Variants in DOP1B observed in about 807,000 individuals in gnomAD.
The protein encoded by DOP1B is protein DOP1B.
In DOP1B, 174 loss-of-function variants were observed where a neutral mutation model predicts 233.5. That is an observed-to-expected ratio of 0.75 (90% CI 0.66 to 0.85). The LOEUF (loss-of-function observed/expected upper bound fraction) is 0.85, where lower values mean the gene tolerates loss of function less well. Ranked by LOEUF, DOP1B falls within the 40% of genes least tolerant of loss-of-function variation. The pLI is 0.00. For synonymous variants in DOP1B, 1,190 were observed against 1,185.6 expected, an observed-to-expected ratio of 1.00 and a Z score of -0.08; for missense variants, 2,652 against 2,846.6, an observed-to-expected ratio of 0.93 and a Z score of 1.56.
At chr21:36,276,782 A>C (rs781747175) in intron 27 of DOP1B, among the ~76,000 whole-genome samples, 1 of 148,632 alleles carries the variant, frequency 6.7e-6, no homozygotes, top group Non-Finnish European at 1.5e-5. Context: ...TGGAGGCTAC[A>C]GTGAGCCGAG....
rs943283815 is a variant in DOP1B, at chr21:36,246,398, A to C, written c.4418A>C (p.Gln1473Pro). 1.9e-6 allele frequency: 3 copies of C among 1,613,308 alleles called. No individual in the cohort carries two copies. The highest frequency in any genetic ancestry group is 2.5e-6 in the Non-Finnish European group (3 of 1,179,804). The change falls in exon 19 of 37, where the codon CAG becomes CCG. Residue 1473 changes from glutamine (Q) to proline (P), a missense_variant. This residue lies in a region of DOP1B where 2,617 missense variants were observed against 2,794.3 expected (regional missense o/e 0.94). Coordinates refer to ENST00000691173, the MANE Select transcript of DOP1B (RefSeq NM_001320714.2). The surrounding 1 kb of genome is among the most constrained non-coding windows in gnomAD (Gnocchi z 5.1). ...CAGCCCGACCTGTCCCGGGAGTGGC[A>C]GAGAGCCCTGAACTTCCAGCAGGCC... is the stretch of plus-strand genomic sequence containing the variant. Reference protein sequence around the residue: ...ENQPDLSREWQRALNFQQAIS... With the variant: ...ENQPDLSREWPRALNFQQAIS...
chr21:36,250,547 C>T (rs2123605637), intron 21 of DOP1B, among the ~76,000 whole-genome samples: 1 of 152,296 alleles, frequency 6.6e-6, no homozygotes, highest in South Asian at 2.1e-4. Flanking sequence ...GTGGGCACTG[C>T]AGGCTGAGAG....
rs151061938 is a variant in DOP1B at position 36,188,899 on chromosome 21, C to T, written c.139-10171C>T. On this transcript the variant is annotated intron_variant, in intron 2 of 36. Transcript: ENST00000691173. The stretch of plus-strand genomic sequence containing the variant: ...AAAATGAAACATAATTCTGTCCACT[C>T]CCCACCCATATGGTTAAATTACTCC... Among the ~76,000 whole-genome samples the T allele has an allele frequency of 2.6e-5, 4 of 152,256 alleles. No individual in the cohort carries two copies. The East Asian group carries it at 5.8e-4, about 22-fold the overall frequency.
chr21:36,251,640 T>TG (rs1340160324), intron 22 of DOP1B, among the ~76,000 whole-genome samples: 1 of 152,092 alleles, frequency 6.6e-6, no homozygotes, highest in Non-Finnish European at 1.5e-5. Flanking sequence ...AGGCTGGTCT[T>TG]GAACTCCTGA....
At chr21:36,242,244 GT>G (rs1452546737) in intron 18 of DOP1B, among the ~76,000 whole-genome samples, 1 of 151,164 alleles carries the variant, frequency 6.6e-6, no homozygotes, top group African/African-American at 2.4e-5. Context: ...GTGATCCCAA[GT>G]CACTGCAGTC....
intron 2 of DOP1B, among the ~76,000 whole-genome samples, chr21:36,167,641 T>C (rs1385521329): frequency 6.6e-6 from 1 of 152,166 alleles, no homozygotes; most frequent in African/African-American, 2.4e-5. Flanking sequence ...ACCCTTACTA[T>C]CTAGTTCCAC....
Position 36,253,909 on chromosome 21 carries a change from G to A in DOP1B, c.5259G>A (p.Glu1753=). Residue 1753 remains glutamate, a splice_region_variant and synonymous_variant, in exon 23 of 37, where the codon GAG becomes GAA. Transcript: ENST00000691173. Reference sequence around the variant, plus strand: ...CACCCCAAGTCAAAGGGGGTGATGAGGTGAGGAGCCTGGGGAAGCCTCTGG... The same window carrying A: ...CACCCCAAGTCAAAGGGGGTGATGAAGTGAGGAGCCTGGGGAAGCCTCTGG... The part of the protein sequence containing the change: ...KRPPQVKGGD[E]KSPLVDIPVL... 1 of 1,613,424 alleles carries A rather than the reference G, an allele frequency of 6.2e-7. No homozygotes were observed.
At position 36,230,811 on chromosome 21, in the gene DOP1B, C is replaced by T. The variant is rs1484192942; in HGVS notation, c.2027C>T (p.Ser676Phe). Reference sequence around the variant, plus strand: ...ACGCAGAGCCTGGCAGCCAATGATTCCAGCAGGAAGAACTCTTGGGAGCCC... The same window carrying T: ...ACGCAGAGCCTGGCAGCCAATGATTTCAGCAGGAAGAACTCTTGGGAGCCC... ...DGTQSLAAND[S>F]SRKNSWEPKP... The change falls in exon 14 of 37, where the codon TCC becomes TTC. Residue 676 changes from serine (S) to phenylalanine (F), a missense_variant. By Grantham distance (155) the Ser-to-Phe change is radical (BLOSUM62 -2). Transcript: ENST00000691173. 2 of 1,614,016 alleles carry T rather than the reference C, an allele frequency of 1.2e-6. No individual in the cohort carries two copies. Among genetic ancestry groups the T allele is most frequent in the Non-Finnish European group, 1.7e-6 (2 of 1,180,008 alleles).
In DOP1B at chr21:36,288,746, T is replaced by G. The variant is rs1403380158; in HGVS notation, c.6298-10T>G. The stretch of plus-strand genomic sequence containing the variant: ...TCTCAGATAGTAACTTGAATGCATT[T>G]TTTTTTCAGATTCAGACATTCACAC... On this transcript the variant is annotated splice_polypyrimidine_tract_variant and intron_variant, in intron 33 of 36. Transcript: ENST00000691173. The G allele has an allele frequency of 3.7e-6, 6 of 1,607,814 alleles. No individual in the cohort carries two copies. The highest frequency in any genetic ancestry group is 5.1e-6 in the Non-Finnish European group (6 of 1,176,636).
chr21:36,222,136 T>A (rs989602415), intron 10 of DOP1B, among the ~76,000 whole-genome samples: 7 of 151,366 alleles, frequency 4.6e-5, no homozygotes, highest in African/African-American at 1.5e-4. Flanking sequence ...CCTCCCAAAG[T>A]GCTGGGATTG....
intron 2 of DOP1B, among the ~76,000 whole-genome samples, chr21:36,194,268 C>T (rs764002951): frequency 3.3e-5 from 5 of 152,146 alleles, no homozygotes; most frequent in Non-Finnish European, 7.3e-5. Context: ...CAAATCTAGA[C>T]CTGGTTTTGA....
In DOP1B at chr21:36,230,541, C is replaced by T; in HGVS notation, c.1757C>T (p.Ser586Phe). ...DEDASFPPLK[S>F]EDSGIGLSAS... The stretch of plus-strand genomic sequence containing the variant: ...GATGCTTCGTTTCCCCCTCTGAAGT[C>T]TGAGGACAGTGGGATCGGGCTCAGT... The change falls in exon 14 of 37, where the codon TCT (serine) becomes TTT (phenylalanine). Residue 586 changes from serine to phenylalanine, a missense_variant. By Grantham distance (155) the Ser-to-Phe change is radical. Around this residue, in one of 3 missense-constraint regions of DOP1B, gnomAD observed 2,617 missense variants for 2,794.3 expected, o/e 0.94. Transcript: ENST00000691173. 6.2e-7 allele frequency: 1 copy of T among 1,614,206 alleles called. No homozygotes were observed. Among genetic ancestry groups the T allele is most frequent in the Non-Finnish European group, 8.5e-7 (1 of 1,180,046 alleles).
At chr21:36,157,441 A>G (rs1342626254) in intron 1 of DOP1B, among the ~76,000 whole-genome samples, 1 of 152,190 alleles carries the variant, frequency 6.6e-6, no homozygotes, top group African/African-American at 2.4e-5. Context: ...GCCAGTCCCC[A>G]GGAGAAGGGA....
In DOP1B at chr21:36,211,908, C is replaced by T. The variant is rs73375794; in HGVS notation, c.781-66C>T. ...TTTGCAGACCAGCAAGGAAGGGCTG[C>T]GTGTCAAAAAGTCAGCAATCTGCCC... On this transcript the variant is annotated intron_variant, in intron 6 of 36. Coordinates refer to ENST00000691173, the MANE Select transcript of DOP1B (RefSeq NM_001320714.2). 1.9e-3 allele frequency: 3,062 copies of T among 1,604,478 alleles called. 43 individuals are homozygous for T. In the African/African-American group the frequency reaches 0.036, roughly 19 times the overall value.
chr21:36,269,739 T>G (rs1241065842), intron 26 of DOP1B, among the ~76,000 whole-genome samples: 1 of 151,740 alleles, frequency 6.6e-6, no homozygotes, highest in Non-Finnish European at 1.5e-5. Flanking sequence ...GCCAGGATGG[T>G]CTCAAACTCC....
chr21:36,238,525 A>G (rs1170444945), intron 16 of DOP1B, 76 bp from the exon 17 acceptor site: 3 of 1,224,274 alleles, frequency 2.5e-6, no homozygotes, highest in Non-Finnish European at 3.6e-6. Flanking sequence ...TATTGTTTAA[A>G]TGGGGTTTAT....
At chr21:36,195,450 C>CT (rs74571671) in intron 2 of DOP1B, among the ~76,000 whole-genome samples, 21,361 of 151,282 alleles carry the variant, frequency 0.14, 1,809 homozygotes, top group South Asian at 0.21. Context: ...GGGAGGATTG[C>CT]TTAAGCCTGG....
At chr21:36,192,406 T>TTG (rs2066243711) in intron 2 of DOP1B, among the ~76,000 whole-genome samples, 1 of 150,718 alleles carries the variant, frequency 6.6e-6, no homozygotes, top group South Asian at 2.1e-4. Flanking sequence ...TTTTTTTTTT[T>TTG]GAGACAAGAG....
intron 32 of DOP1B, among the ~76,000 whole-genome samples, chr21:36,287,456 G>A (rs1406906398): frequency 6.6e-6 from 1 of 152,002 alleles, no homozygotes; most frequent in Non-Finnish European, 1.5e-5. Context: ...TTTCTACTCA[G>A]CTGTGGCAGG....
Sources: gnomAD v4.1 joint callset for allele counts (sites outside exome capture counted in the v4.1 genomes callset) on GRCh38, gnomAD v4.1.1 for gene constraint, gnomAD v4.1.1 regional missense constraint, Gnocchi (gnomAD v3.1) non-coding constraint, MANE v1.5 for transcripts, NCBI Gene and HGNC (gene_info 2026-07-23, HGNC 2026-07-21) for gene names.